Variants in RBFOX3 observed in about 807,000 individuals in gnomAD.
RBFOX3 encodes RNA binding fox-1 homolog 3.
A neutral mutation model predicts 48.7 loss-of-function variants in RBFOX3; 17 were observed. The ratio of observed to expected loss-of-function variants is 0.35; its 90% confidence interval spans 0.24 to 0.52. The LOEUF (loss-of-function observed/expected upper bound fraction) is 0.52. Among genes scored for constraint, RBFOX3 ranks in the 20% least tolerant of loss-of-function variants. RBFOX3 has a pLI of 0.94. For synonymous variants in RBFOX3, 212 were observed against 209.5 expected, an observed-to-expected ratio of 1.01 and a Z score of -0.10; for missense variants, 382 against 497.5, an observed-to-expected ratio of 0.77 and a Z score of 2.21.
intron 2 of RBFOX3, among the ~76,000 whole-genome samples, chr17:79,327,257 G>C (rs568423659): frequency 9.5e-4 from 144 of 152,294 alleles, no homozygotes; most frequent in Non-Finnish European, 1.7e-3. Flanking sequence ...GCAAAGTGAT[G>C]ATCACACCCT....
chr17:79,155,112 A>G (rs1366023742), intron 4 of RBFOX3, among the ~76,000 whole-genome samples: 1 of 152,254 alleles, frequency 6.6e-6, no homozygotes, highest in Non-Finnish European at 1.5e-5. Context: ...TTCCCGGGGC[A>G]GCAGCAGCTC....
Position 79,241,855 on chromosome 17 carries a change from T to C in RBFOX3, c.-73-6050A>G, listed in dbSNP as rs540914930. The stretch of plus-strand genomic sequence containing the variant: ...GCAGTCTCCCTGGTGTCTGTTCTTG[T>C]AAGGGCACTAATCCCATTGCCCAAG... On this transcript the variant is annotated intron_variant, in intron 3 of 14. Coordinates refer to ENST00000693108, the MANE Select transcript of RBFOX3 (RefSeq NM_001350451.2). Among the ~76,000 whole-genome samples the C allele has an allele frequency of 7.2e-5, 11 of 152,242 alleles. No individual in the cohort carries two copies. The East Asian group carries it at 1.9e-3, about 27-fold the overall frequency.
chr17:79,480,434 C>T lies in RBFOX3; in HGVS notation c.-175+2020G>A, dbSNP rs1380101871. On this transcript the variant is annotated intron_variant, in intron 2 of 14. Transcript: ENST00000693108. This position sits in a 1 kb window ranked among gnomAD's most constrained non-coding sequence, Gnocchi z 4.8. ...GTCCCCCTCACAGAAGGCAGAGACA[C>T]CTTTGTATGTCTCAGGCCATTCAAT... Among the ~76,000 whole-genome samples the T allele has an allele frequency of 6.6e-6, 1 of 152,152 alleles. No individual in the cohort carries two copies. The highest frequency in any genetic ancestry group is 2.4e-5 in the African/African-American group (1 of 41,420).
rs928409360 is a variant in RBFOX3, at chr17:79,580,373, G to T, written c.-320+30453C>A. 3.8e-3 allele frequency among the ~76,000 whole-genome samples: 552 copies of T among 147,124 alleles called. 2 individuals are homozygous for T. The highest frequency in any genetic ancestry group is 6.0e-3 in the Non-Finnish European group (405 of 67,300). On this transcript the variant is annotated intron_variant, in intron 1 of 14. Coordinates refer to ENST00000693108, the MANE Select transcript of RBFOX3 (RefSeq NM_001350451.2). ...GCCAACAACTCCCTCATCCCACCCC[G>T]AGCAACAGCATGTCCTATCTTTTCA...
At chr17:79,356,347 AG>A (rs2084994867) in intron 2 of RBFOX3, among the ~76,000 whole-genome samples, 2 of 67,018 alleles carry the variant, frequency 3.0e-5, no homozygotes, top group African/African-American at 1.0e-4. Context: ...AAAACAGGGA[AG>A]TTTTTTTTTT....
chr17:79,565,723 A>T (rs1039834833), intron 1 of RBFOX3, among the ~76,000 whole-genome samples: 4 of 152,170 alleles, frequency 2.6e-5, no homozygotes, highest in Admixed American at 2.6e-4. Context: ...GGGCATAAAG[A>T]TCTTAACATA....
chr17:79,268,203 G>A (rs1218252502), intron 3 of RBFOX3, among the ~76,000 whole-genome samples: 1 of 152,136 alleles, frequency 6.6e-6, no homozygotes, highest in African/African-American at 2.4e-5. Context: ...GGGAGCATCT[G>A]CTCAGGACTG....
At chr17:79,551,838 C>T (rs2091189057) in intron 1 of RBFOX3, among the ~76,000 whole-genome samples, 1 of 152,166 alleles carries the variant, frequency 6.6e-6, no homozygotes, top group Non-Finnish European at 1.5e-5. Flanking sequence ...GAAACAGATG[C>T]CAACACTACG....
chr17:79,652,604 A>AGGAGAGGAG, the RBFOX3 span, among the ~76,000 whole-genome samples: 4 of 16,056 alleles, frequency 2.5e-4, no homozygotes, highest in Non-Finnish European at 6.5e-4. Context: ...GAGGAGAGGA[A>AGGAGAGGAG]AGGAAAGGAA....
chr17:79,371,952 A>G (rs7215498), intron 2 of RBFOX3, among the ~76,000 whole-genome samples: 43,909 of 151,996 alleles, frequency 0.29, 6,626 homozygotes, highest in African/African-American at 0.39. Flanking sequence ...CAGGCCAAGG[A>G]GAGGTGCAGA....
rs2147225769 is a variant in RBFOX3, at chr17:79,214,910, T to A, written c.-34+20856A>T. On this transcript the variant is annotated intron_variant, in intron 4 of 14. Coordinates refer to ENST00000693108, the MANE Select transcript of RBFOX3 (RefSeq NM_001350451.2). The surrounding 1 kb of genome is among the most constrained non-coding windows in gnomAD (Gnocchi z 4.7). ...TGTTTGTTCTTTATTTCTCTGGCAA[T>A]TACCGCTAATTTGGAGACGTTCTGC... Among the ~76,000 whole-genome samples, 1 of 152,312 alleles carries A rather than the reference T, an allele frequency of 6.6e-6. No individual in the cohort carries two copies. The highest frequency in any genetic ancestry group is 1.9e-4 in the East Asian group (1 of 5,178).
chr17:79,301,712 A>G (rs1219641018), intron 3 of RBFOX3, among the ~76,000 whole-genome samples: 3 of 152,214 alleles, frequency 2.0e-5, no homozygotes, highest in African/African-American at 4.8e-5. Flanking sequence ...GTGTCCATCA[A>G]GGGATGGATG....
intron 1 of RBFOX3, among the ~76,000 whole-genome samples, chr17:79,575,832 T>C (rs1038799191): frequency 3.5e-4 from 54 of 152,204 alleles, no homozygotes; most frequent in African/African-American, 1.3e-3. Context: ...AGGCTGCAAA[T>C]TATTTCATGG....
the RBFOX3 span, among the ~76,000 whole-genome samples, chr17:79,620,459 A>G: frequency 2.0e-5 from 3 of 146,380 alleles, no homozygotes; most frequent in South Asian, 2.2e-4. Flanking sequence ...ACATGCGCAC[A>G]CACATGCACA....
intron 4 of RBFOX3, among the ~76,000 whole-genome samples, chr17:79,160,408 G>A (rs1375112450): frequency 6.6e-6 from 1 of 152,212 alleles, no homozygotes; most frequent in African/African-American, 2.4e-5. Flanking sequence ...GACCCAACGT[G>A]GTCTCTGGAT....
chr17:79,158,860 C>T (rs1395632174), intron 4 of RBFOX3, among the ~76,000 whole-genome samples: 1 of 152,158 alleles, frequency 6.6e-6, no homozygotes, highest in Non-Finnish European at 1.5e-5. Flanking sequence ...TTCCTAACTG[C>T]GGCCCCAGGA....
intron 4 of RBFOX3, among the ~76,000 whole-genome samples, chr17:79,221,114 C>T (rs1600086504): frequency 6.6e-6 from 1 of 152,338 alleles, no homozygotes; most frequent in African/African-American, 2.4e-5. Context: ...GCCGAAAAGC[C>T]GATGCCGGCT....
intron 3 of RBFOX3, among the ~76,000 whole-genome samples, chr17:79,305,054 A>G (rs1304769835): frequency 6.6e-6 from 1 of 152,202 alleles, no homozygotes; most frequent in African/African-American, 2.4e-5. Context: ...CTGCTCTCAG[A>G]GGATGCTGTT....
At chr17:79,409,759 G>A (rs2064029428) in intron 2 of RBFOX3, among the ~76,000 whole-genome samples, 1 of 152,250 alleles carries the variant, frequency 6.6e-6, no homozygotes, top group Non-Finnish European at 1.5e-5. Context: ...CAGGTCCCTG[G>A]AGACCAGTGC....
Sources: allele counts gnomAD v4.1 joint callset (sites outside exome capture counted in the v4.1 genomes callset), GRCh38; gene constraint gnomAD v4.1.1; non-coding constraint Gnocchi (gnomAD v3.1); transcripts MANE v1.5; gene names NCBI Gene and HGNC (gene_info 2026-07-23, HGNC 2026-07-21).